Variants in KCNN2 observed in about 807,000 individuals in gnomAD.
KCNN2 encodes small conductance calcium-activated potassium channel protein 2.
A neutral mutation model predicts 55.5 loss-of-function variants in KCNN2; 24 were observed. The observed-to-expected ratio is 0.43, with a 90% CI of 0.31 to 0.61. The LOEUF (loss-of-function observed/expected upper bound fraction) is 0.61, where lower values mean the gene tolerates loss of function less well. Among genes scored for constraint, KCNN2 ranks in the 20% least tolerant of loss-of-function variants. KCNN2 has a pLI of 0.08. For missense variants in KCNN2, 754 were observed against 853.6 expected, an observed-to-expected ratio of 0.88 and a Z score of 1.45; for synonymous variants, 431 against 336.1, an observed-to-expected ratio of 1.28 and a Z score of -3.09.
At chr5:114,469,737 C>T (rs1451154879) in intron 4 of KCNN2, among the ~76,000 whole-genome samples, 1 of 152,124 alleles carries the variant, frequency 6.6e-6, no homozygotes, top group Non-Finnish European at 1.5e-5. Flanking sequence ...TTACTATAAC[C>T]ATGAATATGT....
intron 2 of KCNN2, among the ~76,000 whole-genome samples, chr5:114,290,527 T>C (rs942530729): frequency 2.0e-5 from 3 of 152,126 alleles, no homozygotes; most frequent in African/African-American, 4.8e-5. Context: ...TCATTGATTT[T>C]TTTAAAGGAA....
At chr5:114,160,188 A>T (rs192186501) in intron 1 of KCNN2, among the ~76,000 whole-genome samples, 1 of 152,074 alleles carries the variant, frequency 6.6e-6, no homozygotes, top group Non-Finnish European at 1.5e-5. Context: ...TGTCCCAGAG[A>T]TTCTGGTATG....
chr5:114,368,130 G>A (rs1757659487), intron 2 of KCNN2, among the ~76,000 whole-genome samples: 1 of 151,966 alleles, frequency 6.6e-6, no homozygotes, highest in East Asian at 1.9e-4. Flanking sequence ...TTCACTAGCT[G>A]TAAAACCCTC....
chr5:114,070,445 G>A (rs147666444), intron 1 of KCNN2, among the ~76,000 whole-genome samples: 28 of 152,154 alleles, frequency 1.8e-4, no homozygotes, highest in African/African-American at 4.8e-4. Flanking sequence ...GCATTAATGC[G>A]CATTATTCCT....
At chr5:114,099,882 A>T (rs1306941393) in intron 1 of KCNN2, among the ~76,000 whole-genome samples, 2 of 151,852 alleles carry the variant, frequency 1.3e-5, no homozygotes, top group Non-Finnish European at 2.9e-5. Flanking sequence ...ATATATATAA[A>T]GAAAAGTTTT....
rs183805735 is a variant in KCNN2, at chr5:114,150,978, G to A, written c.-270-70502G>A. On this transcript the variant is annotated intron_variant, in intron 1 of 10. Coordinates refer to the KCNN2 transcript ENST00000512097. ...AGAGGTTGCGGTGAGCTGAGATGGC[G>A]CCATTGCACTCCAGCCTGGGCAACA... is the stretch of plus-strand genomic sequence containing the variant. 6.8e-3 allele frequency among the ~76,000 whole-genome samples: 1,042 copies of A among 152,158 alleles called. 5 individuals carry two copies. The highest frequency in any genetic ancestry group is 0.02 in the Middle Eastern group (6 of 294).
intron 3 of KCNN2, among the ~76,000 whole-genome samples, chr5:114,455,455 C>T (rs1212509749): frequency 6.6e-6 from 1 of 152,138 alleles, no homozygotes; most frequent in East Asian, 1.9e-4. Context: ...TAGCTGTTCC[C>T]CCATCTCTCT....
chr5:114,322,942 T>C (rs1313090739), intron 2 of KCNN2, among the ~76,000 whole-genome samples: 1 of 152,326 alleles, frequency 6.6e-6, no homozygotes, highest in Admixed American at 6.5e-5. Context: ...TTATCTTTTC[T>C]GCTCCTGTCC....
chr5:114,471,917 A>AGAT (rs901527470), intron 4 of KCNN2, among the ~76,000 whole-genome samples: 13 of 152,288 alleles, frequency 8.5e-5, no homozygotes, highest in Middle Eastern at 3.4e-3. Flanking sequence ...GTAAGCCCAA[A>AGAT]GATGGATTCT....
intron 2 of KCNN2, among the ~76,000 whole-genome samples, chr5:114,278,471 G>C (rs570628507): frequency 2.6e-5 from 4 of 152,346 alleles, no homozygotes; most frequent in Non-Finnish European, 4.4e-5. Flanking sequence ...AAAATAGAGA[G>C]GCAATACGCC....
At chr5:114,142,352 C>G (rs1056192512) in intron 1 of KCNN2, among the ~76,000 whole-genome samples, 1 of 152,042 alleles carries the variant, frequency 6.6e-6, no homozygotes, top group Non-Finnish European at 1.5e-5. Context: ...CTACATATGG[C>G]TAGCCAGTTT....
chr5:114,252,637 G>GTT (rs1754889913), intron 2 of KCNN2, among the ~76,000 whole-genome samples: 1 of 152,100 alleles, frequency 6.6e-6, no homozygotes, highest in African/African-American at 2.4e-5. Context: ...AAAATCAGTA[G>GTT]TTTATGGAAG....
chr5:114,383,028 C>A (rs1384056092), intron 2 of KCNN2, among the ~76,000 whole-genome samples: 1 of 152,148 alleles, frequency 6.6e-6, no homozygotes, highest in Non-Finnish European at 1.5e-5. Flanking sequence ...AAAAATCAAT[C>A]AATCTAAAGC....
At chr5:114,460,865 A>G (rs531470450) in intron 3 of KCNN2, among the ~76,000 whole-genome samples, 52 of 152,342 alleles carry the variant, frequency 3.4e-4, no homozygotes, top group Admixed American at 1.8e-3. Context: ...TCAGTGTATG[A>G]ATTGTGCTAA....
intron 1 of KCNN2, among the ~76,000 whole-genome samples, chr5:114,099,121 T>C (rs945240375): frequency 1.3e-5 from 2 of 152,204 alleles, no homozygotes; most frequent in Admixed American, 6.6e-5. Flanking sequence ...ATGTGATAAG[T>C]GTTTTCTTTT....
intron 1 of KCNN2, among the ~76,000 whole-genome samples, chr5:114,113,957 G>C (rs79151649): frequency 0.017 from 2,596 of 152,090 alleles, 84 homozygotes; most frequent in African/African-American, 0.061. Context: ...ACCTATTTTG[G>C]GGTAGCATAT....
At chr5:114,399,930 G>GT (rs35266559) in intron 2 of KCNN2, among the ~76,000 whole-genome samples, 36,063 of 129,626 alleles carry the variant, frequency 0.28, 5,480 homozygotes, top group African/African-American at 0.45. Context: ...TTTTTTTTTT[G>GT]TTTTTTTTTT....
At chr5:114,277,973 G>T (rs1840982) in intron 2 of KCNN2, among the ~76,000 whole-genome samples, 1 of 152,138 alleles carries the variant, frequency 6.6e-6, no homozygotes, top group East Asian at 1.9e-4. Context: ...CATCTTTGTA[G>T]TTTTATCTAC....
chr5:114,156,444 T>G (rs1218199644), intron 1 of KCNN2, among the ~76,000 whole-genome samples: 1 of 152,100 alleles, frequency 6.6e-6, no homozygotes, highest in East Asian at 1.9e-4. Flanking sequence ...TTAATGGGAG[T>G]AGCACTGAAT....
Sources: gnomAD v4.1 joint callset for allele counts (sites outside exome capture counted in the v4.1 genomes callset) on GRCh38, gnomAD v4.1.1 for gene constraint, MANE v1.5 for transcripts, NCBI Gene and HGNC (gene_info 2026-07-23, HGNC 2026-07-21) for gene names.